The following ZNF662 variants were observed in gnomAD, a reference collection of about 807,000 sequenced individuals.
ZNF662 encodes the protein zinc finger protein 662.
Under a neutral mutation model 12.4 loss-of-function variants are expected in ZNF662, and 14 were observed. The ratio of observed to expected loss-of-function variants is 1.13; its 90% CI spans 0.75 to 1.77. ZNF662 has a LOEUF of 1.77. ZNF662 is among the 40% of genes most tolerant of loss of function. ZNF662 has a pLI of 0.00. For missense variants in ZNF662, 550 were observed against 515.6 expected, an observed-to-expected ratio of 1.07 and a Z score of -0.65; for synonymous variants, 184 against 176.4, an observed-to-expected ratio of 1.04 and a Z score of -0.34.
chr3:42,914,390 A>G lies in ZNF662; in HGVS notation c.317A>G (p.Gln106Arg). The G allele has an allele frequency of 1.2e-6, 2 of 1,613,638 alleles. No homozygotes were observed. The highest frequency in any genetic ancestry group is 1.7e-6 in the Non-Finnish European group (2 of 1,179,862). ...AAGGAGGAAATTATTGAGGAAGCAC[A>G]GGACCTCATGGTCCTATCAAGTGGA... ...ILKEEIIEEA[Q>R]DLMVLSSGPQ... The change falls in exon 5 of 5, where the codon CAG becomes CGG. Residue 106 changes from glutamine (Q) to arginine (R), a missense_variant. Coordinates refer to ENST00000440367, the MANE Select transcript of ZNF662 (RefSeq NM_207404.4).
chr3:42,908,978 A>G, intron 3 of ZNF662, 69 bp downstream of exon 3: 1 of 1,120,378 alleles, frequency 8.9e-7, no homozygotes, highest in Non-Finnish European at 1.3e-6. Context: ...TGTCATAGAT[A>G]GGTGTTTTTT....
intron 3 of ZNF662, among the ~76,000 whole-genome samples, chr3:42,912,681 A>ATG (rs2088833398): frequency 4.8e-5 from 1 of 21,032 alleles, no homozygotes; most frequent in Non-Finnish European, 1.2e-4. Flanking sequence ...TTATATATAT[A>ATG]AATATATATA....
intron 2 of ZNF662, 47 bp from the exon 3 acceptor site, chr3:42,908,746 T>A: frequency 1.9e-6 from 3 of 1,587,420 alleles, no homozygotes; most frequent in Non-Finnish European, 2.6e-6. Flanking sequence ...TTGGGATTAC[T>A]GTGTGCCATG....
intron 3 of ZNF662, among the ~76,000 whole-genome samples, chr3:42,911,494 A>C (rs2088789217): frequency 6.6e-6 from 1 of 152,206 alleles, no homozygotes; most frequent in Non-Finnish European, 1.5e-5. Flanking sequence ...GAAAACCAAC[A>C]GCTAAGTTAC....
chr3:42,915,008 G>A lies in ZNF662; in HGVS notation c.935G>A (p.Ser312Asn). ...TACACATGTAAGGAATGTGGGAAAA[G>A]CTTTACTCGAAACCCAGCCCTTCTT... is the stretch of plus-strand genomic sequence containing the variant. ...KPYTCKECGK[S>N]FTRNPALLRH... The change falls in exon 5 of 5, where the codon AGC becomes AAC. Residue 312 changes from serine to asparagine, a missense_variant. Physicochemically the swap from Ser to Asn is conservative, Grantham distance 46 (BLOSUM62 1). Coordinates refer to ENST00000440367, the MANE Select transcript of ZNF662 (RefSeq NM_207404.4). 1 of 1,614,088 alleles carries A rather than the reference G, an allele frequency of 6.2e-7. No homozygotes were observed.
chr3:42,912,641 TA>T (rs1300790539), intron 3 of ZNF662, among the ~76,000 whole-genome samples: 3 of 88,958 alleles, frequency 3.4e-5, no homozygotes, highest in African/African-American at 1.4e-4. Flanking sequence ...TTATATATTT[TA>T]TATATATATA....
At position 42,915,290 on chromosome 3, in the gene ZNF662, A is replaced by G; in HGVS notation, c.1217A>G (p.His406Arg). 6.2e-7 allele frequency: 1 copy of G among 1,611,660 alleles called. No homozygotes were observed. Among genetic ancestry groups the G allele is most frequent in the Non-Finnish European group, 8.5e-7 (1 of 1,178,914 alleles). Residue 406 changes from histidine (H) to arginine (R), a missense_variant, in exon 5 of 5, where the codon CAC becomes CGC. His to Arg is a conservative substitution (Grantham distance 29, BLOSUM62 0). Coordinates refer to ENST00000440367, the MANE Select transcript of ZNF662 (RefSeq NM_207404.4). ...AGTCAGAATTCTGTCTTAATTAAGC[A>G]CCAGAGGCGCCATGCTAGAGACAAA... The part of the protein sequence containing the change: ...AFSQNSVLIK[H>R]QRRHARDKPY...
chr3:42,907,847 G>A, intron 1 of ZNF662, 175 bp from the exon 2 acceptor site: 10 of 985,402 alleles, frequency 1.0e-5, no homozygotes, highest in Non-Finnish European at 1.2e-5. Context: ...GATGGCTGAT[G>A]CCTTGTCTCT....
Position 42,913,551 on chromosome 3 carries a change from C to T in ZNF662, c.253+249C>T, listed in dbSNP as rs1489807249. ...GACTTAAACTGAACAGATGGCCTGCCCCATCTAGCTGCTATGATCACCCAA... is the reference window on the plus strand; with the variant it reads ...GACTTAAACTGAACAGATGGCCTGCTCCATCTAGCTGCTATGATCACCCAA... On this transcript the variant is annotated intron_variant, in intron 4 of 4. Transcript: ENST00000440367. Among the ~76,000 whole-genome samples the T allele has an allele frequency of 2.6e-5, 4 of 152,028 alleles. 1 individual carries two copies. The highest frequency in any genetic ancestry group is 5.9e-5 in the Non-Finnish European group (4 of 68,016).
At chr3:42,912,671 T>TTATATATAAATATATATATATTTTTA (rs2088832081) in intron 3 of ZNF662, among the ~76,000 whole-genome samples, 11 of 46,078 alleles carry the variant, frequency 2.4e-4, no homozygotes, top group Non-Finnish European at 3.5e-4. Flanking sequence ...TATATATTTT[T>TTATATATAAATATATATATATTTTTA]TATATATATA....
In ZNF662 at chr3:42,915,261, C is replaced by T; in HGVS notation, c.1188C>T (p.Ala396=). The T allele has an allele frequency of 6.2e-7, 1 of 1,613,874 alleles. No individual in the cohort carries two copies. The highest frequency in any genetic ancestry group is 8.5e-7 in the Non-Finnish European group (1 of 1,179,898). The change falls in exon 5 of 5, where the codon GCC becomes GCT. Residue 396 remains alanine, a synonymous_variant. Transcript: ENST00000440367. ...ATAAATGTAATGACTGTGGGAAGGC[C>T]TTCAGTCAGAATTCTGTCTTAATTA... ...RPYKCNDCGK[A]FSQNSVLIKH... is the part of the protein sequence containing the mutation.
At chr3:42,912,499 A>ATG (rs1559381315) in intron 3 of ZNF662, among the ~76,000 whole-genome samples, 1 of 96,614 alleles carries the variant, frequency 1.0e-5, no homozygotes, top group African/African-American at 4.3e-5. Context: ...ATATATTTAT[A>ATG]TATTATATAT....
At chr3:42,910,178 C>T (rs1026647772) in intron 3 of ZNF662, among the ~76,000 whole-genome samples, 1 of 152,154 alleles carries the variant, frequency 6.6e-6, no homozygotes, top group Non-Finnish European at 1.5e-5. Flanking sequence ...CGGCCAAACC[C>T]CGTCTCCACC....
In ZNF662 at chr3:42,908,929, C is replaced by T. The variant is rs776385239; in HGVS notation, c.151+20C>T. 6 of 1,554,884 alleles carry T rather than the reference C, an allele frequency of 3.9e-6. No individual in the cohort carries two copies. Among genetic ancestry groups the T allele is most frequent in the Admixed American group, 1.7e-5 (1 of 57,940 alleles). On this transcript the variant is annotated intron_variant, in intron 3 of 4. Transcript: ENST00000440367. ...CCTCAGGTGAGTGAGGGCACACGTG[C>T]CGGTCATCTGACCAGTTTTCTTGTC...
chr3:42,908,049 G>A lies in ZNF662; in HGVS notation c.-66G>A, dbSNP rs777140719. 11 of 1,614,036 alleles carry A rather than the reference G, an allele frequency of 6.8e-6. No homozygotes were observed. The highest frequency in any genetic ancestry group is 4.0e-5 in the African/African-American group (3 of 74,924). ...GTCAGTGACCTTCGAGGATGTGGCC[G>A]TCTACTTCTCTGAGAACGAATGGAT... On this transcript the variant is annotated 5_prime_UTR_variant, in exon 2 of 5. Transcript: ENST00000440367.
Position 42,908,061 on chromosome 3 carries a change from G to T in ZNF662, c.-54G>T, listed in dbSNP as rs535952564. On this transcript the variant is annotated 5_prime_UTR_variant, in exon 2 of 5. Transcript: ENST00000440367. ...CGAGGATGTGGCCGTCTACTTCTCT[G>T]AGAACGAATGGATCGGCCTGGGCCC... is the stretch of plus-strand genomic sequence containing the variant. 7.9e-5 allele frequency: 127 copies of T among 1,614,174 alleles called. 2 individuals are homozygous for T. In the South Asian group the frequency reaches 1.3e-3, roughly 17 times the overall value.
Position 42,914,995 on chromosome 3 carries a change from G to T in ZNF662, c.922G>T (p.Glu308Ter), listed in dbSNP as rs895767332. ...HTGEKPYTCK[E>*]CGKSFTRNPA... ...TGGTGAGAAACCATACACATGTAAG[G>T]AATGTGGGAAAAGCTTTACTCGAAA... The change falls in exon 5 of 5, where the codon GAA (glutamate) becomes TAA (stop). Residue 308 changes from glutamate (E) to a stop codon, truncating the protein, a stop_gained. Coordinates refer to ENST00000440367, the MANE Select transcript of ZNF662 (RefSeq NM_207404.4). LOFTEE classifies it low-confidence loss of function (END_TRUNC). 1 of 1,614,094 alleles carries T rather than the reference G, an allele frequency of 6.2e-7. No individual in the cohort carries two copies. The highest frequency in any genetic ancestry group is 8.5e-7 in the Non-Finnish European group (1 of 1,180,022).
At chr3:42,907,036 G>T (rs2088692883) in intron 1 of ZNF662, among the ~76,000 whole-genome samples, 1 of 152,200 alleles carries the variant, frequency 6.6e-6, no homozygotes, top group Admixed American at 6.5e-5. Flanking sequence ...TAGCTGTGGA[G>T]ACTTTCTAGT....
chr3:42,914,756 C>T lies in ZNF662; in HGVS notation c.683C>T (p.Ala228Val). 6.2e-7 allele frequency: 1 copy of T among 1,613,372 alleles called. No individual in the cohort carries two copies. Among genetic ancestry groups the T allele is most frequent in the Non-Finnish European group, 8.5e-7 (1 of 1,179,762 alleles). ...KVYGCKECGKAFSFRSHCIAH... is the reference protein window; with the variant it reads ...KVYGCKECGKVFSFRSHCIAH... ...TATGGATGTAAGGAATGTGGGAAGG[C>T]TTTCAGTTTTCGATCACATTGCATT... Residue 228 changes from alanine to valine, a missense_variant, in exon 5 of 5, where the codon GCT becomes GTT. Physicochemically the swap from Ala to Val is moderately conservative, Grantham distance 64. Coordinates refer to ENST00000440367, the MANE Select transcript of ZNF662 (RefSeq NM_207404.4).
Sources: allele counts gnomAD v4.1 joint callset (sites outside exome capture counted in the v4.1 genomes callset), GRCh38; gene constraint gnomAD v4.1.1; transcripts MANE v1.5; gene names NCBI Gene and HGNC (gene_info 2026-07-23, HGNC 2026-07-21).